Variants in WDR97 observed in about 807,000 individuals in gnomAD.
The protein encoded by WDR97 is WD repeat-containing protein 97.
WDR97 carries 111 observed loss-of-function variants against 65.4 expected under a neutral mutation model. That is an observed-to-expected ratio of 1.70 (90% CI 1.45 to 1.99). WDR97 has a LOEUF of 1.99. Among genes scored for constraint, WDR97 ranks in the 30% most tolerant of loss-of-function variants. WDR97 has a pLI of 0.00. For missense variants in WDR97, 1,674 were observed against 865.0 expected, an observed-to-expected ratio of 1.94 and a Z score of -11.73; for synonymous variants, 802 against 397.7, an observed-to-expected ratio of 2.02 and a Z score of -12.10.
intron 17 of WDR97, 31 bp downstream of exon 17, chr8:144,113,912 C>G: frequency 1.5e-6 from 1 of 686,618 alleles, no homozygotes. Flanking sequence ...CCCAGGCCAC[C>G]ACGGGAGGTG....
rs1419104382 is a variant in WDR97 at position 144,110,935 on chromosome 8, TG to T, written c.2246del (p.Gly749AspfsTer18). 1 of 702,782 alleles carries T rather than the reference TG, an allele frequency of 1.4e-6. No individual in the cohort carries two copies. Among genetic ancestry groups the T allele is most frequent in the Non-Finnish European group, 2.6e-6 (1 of 384,956 alleles). The allele number at this position is 702,782 out of a possible 1,614,324, so 43.5% of individuals were successfully genotyped here. ...AACAGTGGAGACCTGGTGCTGGCGC[TG>T]GGATCCCGCCTCTGCCTGGTGTCCC... ...CSNSGDLVLA[L>X]GSRLCLVSHR... On this transcript the variant is annotated frameshift_variant, in exon 9 of 24. Transcript: ENST00000323662. LOFTEE classifies it high-confidence loss of function.
At chr8:144,114,718 C>T (rs2130109454) in intron 20 of WDR97, 31 bp from the exon 21 acceptor site, 1 of 702,482 alleles carries the variant, frequency 1.4e-6, no homozygotes, top group Non-Finnish European at 2.6e-6. Flanking sequence ...ACTGGGAAGG[C>T]CTCTGGACAA....
Position 144,108,696 on chromosome 8 carries a change from G to C in WDR97, c.630G>C (p.Leu210=), listed in dbSNP as rs1161533479. 7 of 700,892 alleles carry C rather than the reference G, an allele frequency of 1.0e-5. No homozygotes were observed. The highest frequency in any genetic ancestry group is 1.8e-5 in the Non-Finnish European group (7 of 384,564). The allele number at this position is 700,892 out of a possible 1,614,324, so 43.4% of individuals were successfully genotyped here. A position where few individuals can be genotyped will look rare whatever the true frequency, so the allele number is the denominator to read the frequency against. ...TCCLPVPDLR[L]LLVAEMNSSL... The stretch of plus-strand genomic sequence containing the variant: ...GCCTGCCGGTTCCCGACCTCAGGCT[G>C]CTGCTCGTTGCGGAGATGAACAGCA... The change falls in exon 3 of 24, where the codon CTG becomes CTC. Residue 210 remains leucine, a synonymous_variant. Coordinates refer to ENST00000323662, the MANE Select transcript of WDR97 (RefSeq NM_001316309.2).
chr8:144,111,746 A>AATT lies in WDR97; in HGVS notation c.2604_2606dup (p.Tyr869dup). 2.9e-6 allele frequency: 2 copies of AATT among 691,438 alleles called. No homozygotes were observed. The highest frequency in any genetic ancestry group is 5.4e-5 in the East Asian group (2 of 37,000). The allele number at this position is 691,438 out of a possible 1,614,324, so 42.8% of individuals were successfully genotyped here. ...GCAGCAGCGCCAGGAAGGCTTTGAC[A>AATT]ATTACCTCCGTCTGATCTACGGCTC... is the stretch of plus-strand genomic sequence containing the variant. On this transcript the variant is annotated inframe_insertion, in exon 12 of 24. Transcript: ENST00000323662.
Position 144,114,921 on chromosome 8 carries a change from G to A in WDR97, c.4077+10G>A, listed in dbSNP as rs1327652318. The A allele has an allele frequency of 2.9e-6, 2 of 684,112 alleles. No homozygotes were observed. Among genetic ancestry groups the A allele is most frequent in the Non-Finnish European group, 5.3e-6 (2 of 377,840 alleles). The allele number at this position is 684,112 out of a possible 1,614,324, so 42.4% of individuals were successfully genotyped here. A position where few individuals can be genotyped will look rare whatever the true frequency, so the allele number is the denominator to read the frequency against. ...GATCCAGGAGCTTCAGGTTGGGCCGGCAGGGGCCGGGGGGGCCTTGGGAAC... is the reference window on the plus strand; with the variant it reads ...GATCCAGGAGCTTCAGGTTGGGCCGACAGGGGCCGGGGGGGCCTTGGGAAC... On this transcript the variant is annotated intron_variant, in intron 21 of 23. Transcript: ENST00000323662.
At position 144,115,632 on chromosome 8, in the gene WDR97, G is replaced by A. The variant is rs191150976; in HGVS notation, c.4369G>A (p.Gly1457Arg). The A allele has an allele frequency of 1.1e-3, 775 of 689,320 alleles. 5 individuals are homozygous for A. In the African/African-American group the frequency reaches 0.012, roughly 11 times the overall value. 42.7% of individuals were successfully genotyped at this position (689,320 alleles called of 1,614,324 possible). A position where few individuals can be genotyped will look rare whatever the true frequency, so the allele number is the denominator to read the frequency against. The change falls in exon 22 of 24, where the codon GGG becomes AGG. Residue 1457 changes from glycine to arginine, a missense_variant. Transcript: ENST00000323662. ...GCCCGAGGCCCGCCTGCACCCTGCC[G>A]GGCCTGCTCAGCTGCCCGGAGAGCC... Reference protein sequence around the residue: ...LEPEARLHPAGPAQLPGEPPP... With the variant: ...LEPEARLHPARPAQLPGEPPP...
In WDR97 at chr8:144,110,714, T is replaced by C; in HGVS notation, c.2146T>C (p.Trp716Arg). 1 of 702,894 alleles carries C rather than the reference T, an allele frequency of 1.4e-6. No individual in the cohort carries two copies. The highest frequency in any genetic ancestry group is 2.6e-6 in the Non-Finnish European group (1 of 384,986). 43.5% of individuals were successfully genotyped at this position (702,894 alleles called of 1,614,324 possible). A position where few individuals can be genotyped will look rare whatever the true frequency, so the allele number is the denominator to read the frequency against. ...CAGCCTGGACTGCACCGTTCGCATC[T>C]GGACTGCTGAGAACCGCCTCCTGCG... Reference protein sequence around the residue: ...CSSLDCTVRIWTAENRLLRLL... With the variant: ...CSSLDCTVRIRTAENRLLRLL... Residue 716 changes from tryptophan (W) to arginine (R), a missense_variant, in exon 8 of 24, where the codon TGG becomes CGG. Transcript: ENST00000323662.
In WDR97 at chr8:144,115,725, A is replaced by G; in HGVS notation, c.4462A>G (p.Asn1488Asp). The G allele has an allele frequency of 4.3e-6, 3 of 701,688 alleles. No homozygotes were observed. The highest frequency in any genetic ancestry group is 7.8e-6 in the Non-Finnish European group (3 of 384,486). 43.5% of individuals were successfully genotyped at this position (701,688 alleles called of 1,614,324 possible). Residue 1488 changes from asparagine to aspartate, a missense_variant, in exon 22 of 24, where the codon AAC becomes GAC. Transcript: ENST00000323662. ...LLDLGPIDAL[N>D]FFCEQLRAQQ... ...GGACTTGGGCCCCATCGACGCGCTC[A>G]ACTTCTTCTGTGAGCAGCTGCGGGC...
chr8:144,111,354 C>A, intron 10 of WDR97, 72 bp from the exon 11 acceptor site: 1 of 702,804 alleles, frequency 1.4e-6, no homozygotes, highest in Non-Finnish European at 2.6e-6. Flanking sequence ...GGGGTTGGTC[C>A]TTGTCCCAGC....
In WDR97 at chr8:144,107,805, C is replaced by T. The variant is rs1836447835; in HGVS notation, c.55C>T (p.Leu19=). ...CTACAACCTAGTTCTGGACTCGGAC[C>T]TGTATGATGCGGATGGCTATGATGT... ...EGYNLVLDSD[L]YDADGYDVPD... is the part of the protein sequence containing the mutation. Residue 19 remains leucine, a synonymous_variant, in exon 1 of 24, where the codon CTG becomes TTG. Coordinates refer to ENST00000323662, the MANE Select transcript of WDR97 (RefSeq NM_001316309.2). 1 of 702,738 alleles carries T rather than the reference C, an allele frequency of 1.4e-6. No individual in the cohort carries two copies. The highest frequency in any genetic ancestry group is 1.7e-5 in the African/African-American group (1 of 57,274). The allele number at this position is 702,738 out of a possible 1,614,324, so 43.5% of individuals were successfully genotyped here. A position where few individuals can be genotyped will look rare whatever the true frequency, so the allele number is the denominator to read the frequency against.
rs1425807955 is a variant in WDR97, at chr8:144,114,734, A to G, written c.3915-15A>G. 5.7e-6 allele frequency: 4 copies of G among 702,002 alleles called. No individual in the cohort carries two copies. The highest frequency in any genetic ancestry group is 1.0e-5 in the Non-Finnish European group (4 of 384,580). 43.5% of individuals were successfully genotyped at this position (702,002 alleles called of 1,614,324 possible). ...CTGGGAAGGCCTCTGGACAAGCCAC[A>G]TGCACCTGTCCCAGGCCAGAGCTCA... On this transcript the variant is annotated splice_polypyrimidine_tract_variant and intron_variant, in intron 20 of 23. Coordinates refer to ENST00000323662, the MANE Select transcript of WDR97 (RefSeq NM_001316309.2).
chr8:144,111,024 GT>G (rs1178722330), intron 9 of WDR97, 28 bp downstream of exon 9: 26 of 702,366 alleles, frequency 3.7e-5, no homozygotes, highest in Non-Finnish European at 6.5e-5. Context: ...AGTGAGCAAG[GT>G]GGGCCCCCCT....
Position 144,114,477 on chromosome 8 carries a change from T to G in WDR97, c.3792+2T>G, listed in dbSNP as rs1222410264. On this transcript the variant is annotated splice_donor_variant, in intron 19 of 23. Transcript: ENST00000323662. LOFTEE classifies it high-confidence loss of function. The stretch of plus-strand genomic sequence containing the variant: ...CTGGACCAGCCCCCCAGCCTCCAGG[T>G]GTGCCCCTTGTCCTGCCCCCAGTTT... 2 of 701,838 alleles carry G rather than the reference T, an allele frequency of 2.8e-6. No homozygotes were observed. Among genetic ancestry groups the G allele is most frequent in the Non-Finnish European group, 5.2e-6 (2 of 384,480 alleles). 43.5% of individuals were successfully genotyped at this position (701,838 alleles called of 1,614,324 possible). A position where few individuals can be genotyped will look rare whatever the true frequency, so the allele number is the denominator to read the frequency against.
Position 144,109,615 on chromosome 8 carries a change from C to A in WDR97, c.1281C>A (p.His427Gln), listed in dbSNP as rs34324679. 0.09 allele frequency: 61,680 copies of A among 685,924 alleles called. 3,554 individuals carry two copies. Among genetic ancestry groups the A allele is most frequent in the Non-Finnish European group, 0.12 (46,749 of 377,632 alleles). 42.5% of individuals were successfully genotyped at this position (685,924 alleles called of 1,614,324 possible). ...PLAQLPAKVLHVQVAPALPAP... is the reference protein window; with the variant it reads ...PLAQLPAKVLQVQVAPALPAP... Reference sequence around the variant, plus strand: ...CGCAACTGCCCGCCAAGGTGCTCCACGTGCAGGTGGCGCCCGCGTTGCCCG... The same window carrying A: ...CGCAACTGCCCGCCAAGGTGCTCCAAGTGCAGGTGGCGCCCGCGTTGCCCG... Residue 427 changes from histidine to glutamine, a missense_variant, in exon 5 of 24, where the codon CAC becomes CAA. His to Gln is a conservative substitution (Grantham distance 24, BLOSUM62 0). Transcript: ENST00000323662.
chr8:144,114,390 T>G lies in WDR97; in HGVS notation c.3707T>G (p.Leu1236Arg), dbSNP rs530522827. ...ATCCTGCAGGTGCTACTGAGACTGC[T>G]GCCCAACATGAGCAGTGATCTCCAA... ...VHILQVLLRLLPNMSSDLQGQ... is the reference protein window; with the variant it reads ...VHILQVLLRLRPNMSSDLQGQ... The change falls in exon 19 of 24, where the codon CTG becomes CGG. Residue 1236 changes from leucine (L) to arginine (R), a missense_variant. Coordinates refer to ENST00000323662, the MANE Select transcript of WDR97 (RefSeq NM_001316309.2). 1 of 702,820 alleles carries G rather than the reference T, an allele frequency of 1.4e-6. No individual in the cohort carries two copies. Among genetic ancestry groups the G allele is most frequent in the Non-Finnish European group, 2.6e-6 (1 of 384,994 alleles). 43.5% of individuals were successfully genotyped at this position (702,820 alleles called of 1,614,324 possible).
rs1239592098 is a variant in WDR97 at position 144,110,531 on chromosome 8, G to A, written c.2034G>A (p.Pro678=). ...GLVQFGLGDS[P]RLDHRPQDDP... ...TGCAGTTTGGCCTGGGCGACAGTCC[G>A]CGATTAGACCACCGGCCCCAGGACG... Residue 678 remains proline, a synonymous_variant, in exon 7 of 24, where the codon CCG becomes CCA. Coordinates refer to ENST00000323662, the MANE Select transcript of WDR97 (RefSeq NM_001316309.2). 2.4e-5 allele frequency: 17 copies of A among 702,728 alleles called. No homozygotes were observed. The highest frequency in any genetic ancestry group is 3.6e-5 in the Non-Finnish European group (14 of 384,950). The allele number at this position is 702,728 out of a possible 1,614,324, so 43.5% of individuals were successfully genotyped here.
Position 144,116,586 on chromosome 8 carries a change from A to C in WDR97, c.*293A>C, listed in dbSNP as rs58813541. ...GGGTACCATCCGCTGGGCACTGAGCAAACGTTTTCTGCTCAAGTACTAGGT... is the reference window on the plus strand; with the variant it reads ...GGGTACCATCCGCTGGGCACTGAGCCAACGTTTTCTGCTCAAGTACTAGGT... On this transcript the variant is annotated 3_prime_UTR_variant, in exon 24 of 24. Coordinates refer to ENST00000323662, the MANE Select transcript of WDR97 (RefSeq NM_001316309.2). 27,039 of 335,782 alleles carry C rather than the reference A, an allele frequency of 0.081. 1,367 individuals are homozygous for C. The highest frequency in any genetic ancestry group is 0.16 in the African/African-American group (7,583 of 46,610). The allele number at this position is 335,782 out of a possible 1,614,324, so 20.8% of individuals were successfully genotyped here. A position where few individuals can be genotyped will look rare whatever the true frequency, so the allele number is the denominator to read the frequency against.
Position 144,109,442 on chromosome 8 carries a change from G to A in WDR97, c.1108G>A (p.Glu370Lys). 1 of 701,620 alleles carries A rather than the reference G, an allele frequency of 1.4e-6. No homozygotes were observed. Among genetic ancestry groups the A allele is most frequent in the Non-Finnish European group, 2.6e-6 (1 of 384,452 alleles). 43.5% of individuals were successfully genotyped at this position (701,620 alleles called of 1,614,324 possible). Reference protein sequence around the residue: ...WDLQAAAQVGEVALGFWGQDK... With the variant: ...WDLQAAAQVGKVALGFWGQDK... ...CCTGCAGGCGGCGGCGCAGGTGGGC[G>A]AGGTAGCGCTGGGCTTCTGGGGCCA... Residue 370 changes from glutamate to lysine, a missense_variant, in exon 5 of 24, where the codon GAG becomes AAG. Transcript: ENST00000323662.
rs1207285076 is a variant in WDR97 at position 144,111,209 on chromosome 8, G to A, written c.2413G>A (p.Ala805Thr). ...QLQRLTNLHG[A>T]ASLSEALSLI... ...GCAGAGGCTCACCAACCTCCATGGG[G>A]CAGCCAGCCTCAGGTCCCATGCAGG... Residue 805 changes from alanine to threonine, a missense_variant, in exon 10 of 24, where the codon GCA becomes ACA. Physicochemically the swap from Ala to Thr is moderately conservative, Grantham distance 58. Coordinates refer to ENST00000323662, the MANE Select transcript of WDR97 (RefSeq NM_001316309.2). 1 of 702,722 alleles carries A rather than the reference G, an allele frequency of 1.4e-6. No individual in the cohort carries two copies. The highest frequency in any genetic ancestry group is 2.7e-5 in the East Asian group (1 of 37,290). 43.5% of individuals were successfully genotyped at this position (702,722 alleles called of 1,614,324 possible).
Sources: allele counts gnomAD v4.1 joint callset, GRCh38; gene constraint gnomAD v4.1.1; transcripts MANE v1.5; gene names NCBI Gene and HGNC (gene_info 2026-07-23, HGNC 2026-07-21).